GRIN2B: variants seen among roughly 807,000 people sequenced by gnomAD.
The protein encoded by GRIN2B is glutamate ionotropic receptor NMDA type subunit 2B.
GRIN2B carries 5 observed loss-of-function variants against 114.5 expected under a neutral mutation model. That is an observed-to-expected ratio of 0.04 (90% CI 0.02 to 0.09). The LOEUF (loss-of-function observed/expected upper bound fraction) is 0.09. Ranked by LOEUF, GRIN2B falls within the 10% of genes least tolerant of loss-of-function variation. The pLI is 1.00. For missense variants in GRIN2B, 1,108 were observed against 1,943.5 expected, an observed-to-expected ratio of 0.57 and a Z score of 8.08; for synonymous variants, 787 against 745.1, an observed-to-expected ratio of 1.06 and a Z score of -0.92.
At chr12:13,947,773 G>A (rs182676739) in intron 2 of GRIN2B, among the ~76,000 whole-genome samples, 224 of 152,236 alleles carry the variant, frequency 1.5e-3, no homozygotes, top group African/African-American at 5.3e-3. Flanking sequence ...GTGATGACAC[G>A]AAGCTATCAC....
chr12:13,773,299 G>A (rs1445384602), intron 3 of GRIN2B, among the ~76,000 whole-genome samples: 1 of 152,142 alleles, frequency 6.6e-6, no homozygotes, highest in East Asian at 1.9e-4. Flanking sequence ...GTGTGTCCAT[G>A]CACACACCTG....
intron 10 of GRIN2B, among the ~76,000 whole-genome samples, chr12:13,608,064 T>C (rs1321181644): frequency 6.6e-6 from 1 of 152,170 alleles, no homozygotes. Flanking sequence ...AGCCCATTCA[T>C]CAGCACCACA....
intron 3 of GRIN2B, among the ~76,000 whole-genome samples, chr12:13,842,318 G>C (rs1865392424): frequency 6.6e-6 from 1 of 152,212 alleles, no homozygotes; most frequent in Non-Finnish European, 1.5e-5. Flanking sequence ...AACATCACCA[G>C]CAGTTTTGAT....
chr12:13,634,921 C>T (rs894589328), intron 5 of GRIN2B, among the ~76,000 whole-genome samples: 1 of 152,138 alleles, frequency 6.6e-6, no homozygotes, highest in African/African-American at 2.4e-5. Flanking sequence ...ATAGCCCATT[C>T]CAAGGATGAG....
At chr12:13,659,711 C>T (rs1311987043) in intron 5 of GRIN2B, among the ~76,000 whole-genome samples, 1 of 152,080 alleles carries the variant, frequency 6.6e-6, no homozygotes, top group East Asian at 1.9e-4. Flanking sequence ...TCCTCACTTC[C>T]AATATTACTC....
chr12:13,848,754 C>T (rs1865508260), intron 3 of GRIN2B, among the ~76,000 whole-genome samples: 1 of 152,166 alleles, frequency 6.6e-6, no homozygotes, highest in South Asian at 2.1e-4. Context: ...ACTAGTTAGC[C>T]TCTTTCTTGA....
At chr12:13,854,054 GA>G (rs1226024664) in intron 3 of GRIN2B, among the ~76,000 whole-genome samples, 3 of 152,098 alleles carry the variant, frequency 2.0e-5, no homozygotes, top group Non-Finnish European at 4.4e-5. Flanking sequence ...GAAATAAAGG[GA>G]AAAGAAACAG....
intron 10 of GRIN2B, among the ~76,000 whole-genome samples, chr12:13,584,276 G>A (rs1433384890): frequency 2.0e-5 from 3 of 151,960 alleles, no homozygotes; most frequent in Non-Finnish European, 2.9e-5. Flanking sequence ...ACTAACTTTG[G>A]GCCAGACTTA....
intron 3 of GRIN2B, among the ~76,000 whole-genome samples, chr12:13,798,879 C>G (rs1003593137): frequency 2.0e-5 from 3 of 152,198 alleles, no homozygotes; most frequent in African/African-American, 7.2e-5. Flanking sequence ...GGCCTCCTTA[C>G]ATTCAAAAAG....
intron 5 of GRIN2B, among the ~76,000 whole-genome samples, chr12:13,669,135 A>C (rs1373545026): frequency 6.6e-6 from 1 of 152,038 alleles, no homozygotes; most frequent in Non-Finnish European, 1.5e-5. Context: ...TTTCAAAGTC[A>C]TCCCCTGGTG....
intron 2 of GRIN2B, among the ~76,000 whole-genome samples, chr12:13,941,222 A>G (rs1028784614): frequency 6.6e-6 from 1 of 152,158 alleles, no homozygotes; most frequent in African/African-American, 2.4e-5. Flanking sequence ...CTTATATTTC[A>G]TTGCCTTCTA....
chr12:13,952,232 T>A (rs899581594), intron 2 of GRIN2B, among the ~76,000 whole-genome samples: 1 of 152,198 alleles, frequency 6.6e-6, no homozygotes. Context: ...GAAAAAAGAC[T>A]CAACCCAATT....
At chr12:13,874,547 G>A (rs1023588655) in intron 2 of GRIN2B, among the ~76,000 whole-genome samples, 3 of 152,092 alleles carry the variant, frequency 2.0e-5, no homozygotes, top group Non-Finnish European at 2.9e-5. Context: ...ATATCTGCAC[G>A]CAGTTCTTAA....
Position 13,542,132 on chromosome 12 carries a change from T to C in GRIN2B, c.*20651A>G, listed in dbSNP as rs1948286051. 1 of 152,256 alleles carries C rather than the reference T, an allele frequency of 6.6e-6. No homozygotes were observed. The highest frequency in any genetic ancestry group is 2.4e-5 in the African/African-American group (1 of 41,472). 9.4% of individuals were successfully genotyped at this position (152,256 alleles called of 1,614,324 possible). Reference sequence around the variant, plus strand: ...AGACTTTCATTCATTTCCATGCTCCTGTCCCACTGTTTCTGTCACAAAAGA... The same window carrying C: ...AGACTTTCATTCATTTCCATGCTCCCGTCCCACTGTTTCTGTCACAAAAGA... On this transcript the variant is annotated 3_prime_UTR_variant, in exon 14 of 14. Transcript: ENST00000609686.
rs1384598933 is a variant in GRIN2B at position 13,563,999 on chromosome 12, C to T, written c.3239G>A (p.Arg1080Lys). Residue 1080 changes from arginine to lysine, a missense_variant, in exon 14 of 14, where the codon AGG (arginine) becomes AAG (lysine). Physicochemically the swap from Arg to Lys is conservative, Grantham distance 26. Transcript: ENST00000609686. ...GCTGTCCTTATATTGCTGCTTACGC[C>T]TCTTGGCGGCATTGCCCTCGATGTT... ...YGNIEGNAAKRRKQQYKDSLK... is the reference protein window; with the variant it reads ...YGNIEGNAAKKRKQQYKDSLK... The T allele has an allele frequency of 2.5e-6, 4 of 1,614,144 alleles. No homozygotes were observed. Among genetic ancestry groups the T allele is most frequent in the Admixed American group, 1.7e-5 (1 of 60,014 alleles).
At chr12:13,727,017 G>A (rs1430074200) in intron 4 of GRIN2B, among the ~76,000 whole-genome samples, 1 of 152,074 alleles carries the variant, frequency 6.6e-6, no homozygotes, top group Admixed American at 6.6e-5. Flanking sequence ...AGGAAACTGA[G>A]GCTCAACAAG....
intron 4 of GRIN2B, among the ~76,000 whole-genome samples, chr12:13,689,989 C>T (rs1473338567): frequency 6.6e-6 from 1 of 152,152 alleles, no homozygotes; most frequent in African/African-American, 2.4e-5. Flanking sequence ...ATCTTGCCTC[C>T]AGTCCACATT....
chr12:13,808,138 G>A (rs1014704547), intron 3 of GRIN2B, among the ~76,000 whole-genome samples: 2 of 152,186 alleles, frequency 1.3e-5, no homozygotes, highest in African/African-American at 4.8e-5. Flanking sequence ...TGCTTTTGGG[G>A]GTGGGGGACA....
intron 2 of GRIN2B, among the ~76,000 whole-genome samples, chr12:13,918,425 A>C (rs1337082987): frequency 6.6e-6 from 1 of 152,210 alleles, no homozygotes; most frequent in Non-Finnish European, 1.5e-5. Flanking sequence ...AAGGATACGG[A>C]AAATAGTCAG....
Sources: allele counts gnomAD v4.1 joint callset (sites outside exome capture counted in the v4.1 genomes callset), GRCh38; gene constraint gnomAD v4.1.1; transcripts MANE v1.5; gene names NCBI Gene and HGNC (gene_info 2026-07-23, HGNC 2026-07-21).